Variants in NRXN1 observed in about 807,000 individuals in gnomAD.
NRXN1 encodes the protein neurexin-1.
A neutral mutation model predicts 150.9 loss-of-function variants in NRXN1; 39 were observed. That is an observed-to-expected ratio of 0.26 (90% CI 0.20 to 0.34). The LOEUF is 0.34. Ranked by LOEUF, NRXN1 falls within the 10% of genes least tolerant of loss-of-function variation. The probability of loss-of-function intolerance (pLI) is 1.00; values close to 1 mark genes in which losing one functional copy is unlikely to be tolerated. For missense variants in NRXN1, 1,815 were observed against 1,949.9 expected (o/e 0.93, Z 1.30); for synonymous variants, 924 against 757.0 (o/e 1.22, Z -3.62).
intron 21 of NRXN1, among the ~76,000 whole-genome samples, chr2:49,956,462 A>T (rs1286639258): frequency 6.6e-6 from 1 of 152,152 alleles, no homozygotes; most frequent in African/African-American, 2.4e-5. Flanking sequence ...ACAACTAATA[A>T]ATGGTGCCAG....
intron 21 of NRXN1, among the ~76,000 whole-genome samples, chr2:49,966,097 T>C (rs1483844940): frequency 2.0e-5 from 3 of 152,178 alleles, no homozygotes; most frequent in Non-Finnish European, 2.9e-5. Context: ...TTGGCATCCA[T>C]TGTATAAAAG....
chr2:50,059,037 G>A (rs1340663354), intron 19 of NRXN1, among the ~76,000 whole-genome samples: 1 of 152,156 alleles, frequency 6.6e-6, no homozygotes. Flanking sequence ...TGAAAATGTG[G>A]AATTGACTTT....
intron 5 of NRXN1, among the ~76,000 whole-genome samples, chr2:50,901,494 G>T (rs186726843): frequency 6.6e-6 from 1 of 152,030 alleles, no homozygotes; most frequent in African/African-American, 2.4e-5. Flanking sequence ...CCGAGATTGC[G>T]CCACTGCACT....
intron 16 of NRXN1, among the ~76,000 whole-genome samples, chr2:50,469,659 G>C (rs1033587470): frequency 6.6e-6 from 1 of 151,018 alleles, no homozygotes; most frequent in Non-Finnish European, 1.5e-5. Context: ...ATTATTCCTA[G>C]AAACTATACA....
At chr2:50,113,941 A>T (rs1186396794) in intron 18 of NRXN1, among the ~76,000 whole-genome samples, 2 of 152,176 alleles carry the variant, frequency 1.3e-5, no homozygotes, top group Admixed American at 6.5e-5. Context: ...GATGCTATAG[A>T]AGATACAAAA....
intron 8 of NRXN1, among the ~76,000 whole-genome samples, chr2:50,616,835 T>C (rs1679138500): frequency 6.6e-6 from 1 of 152,154 alleles, no homozygotes; most frequent in Admixed American, 6.5e-5. Context: ...AAAATAAAAA[T>C]GCCATCAGCC....
At chr2:50,817,008 G>A (rs1051201757) in intron 5 of NRXN1, among the ~76,000 whole-genome samples, 2 of 151,856 alleles carry the variant, frequency 1.3e-5, no homozygotes, top group South Asian at 2.1e-4. Flanking sequence ...CAGGGCTCTC[G>A]GAGATCACAA....
intron 21 of NRXN1, among the ~76,000 whole-genome samples, chr2:49,944,324 G>A (rs1672516034): frequency 6.6e-6 from 1 of 152,156 alleles, no homozygotes; most frequent in African/African-American, 2.4e-5. Flanking sequence ...AAAAGGCAAG[G>A]AAATACAATC....
chr2:50,943,438 G>C (rs909936132), intron 2 of NRXN1, among the ~76,000 whole-genome samples: 8 of 152,154 alleles, frequency 5.3e-5, no homozygotes, highest in African/African-American at 1.7e-4. Flanking sequence ...CTGCTAATAA[G>C]TGTCACTGGC....
At chr2:50,534,657 T>A (rs1376529426) in intron 10 of NRXN1, among the ~76,000 whole-genome samples, 1 of 152,166 alleles carries the variant, frequency 6.6e-6, no homozygotes, top group Non-Finnish European at 1.5e-5. Flanking sequence ...AGCACCCGAA[T>A]AAAAGTGTAA....
At chr2:50,502,555 C>A (rs958966441) in intron 13 of NRXN1, among the ~76,000 whole-genome samples, 5 of 151,858 alleles carry the variant, frequency 3.3e-5, no homozygotes, top group African/African-American at 1.2e-4. Context: ...AGAAGTGGTA[C>A]GGGAAAAGCA....
chr2:50,891,263 T>G (rs1490946759), intron 5 of NRXN1, among the ~76,000 whole-genome samples: 1 of 152,032 alleles, frequency 6.6e-6, no homozygotes, highest in Non-Finnish European at 1.5e-5. Context: ...AAATTGCTGC[T>G]GCAGATGCAG....
chr2:49,974,132 G>A, intron 21 of NRXN1: 1 of 714,988 alleles, frequency 1.4e-6, no homozygotes, highest in Middle Eastern at 2.3e-4. Context: ...AGATCAAGAT[G>A]ATAAATTGCC....
chr2:49,947,135 G>A (rs538048631), intron 21 of NRXN1, among the ~76,000 whole-genome samples: 69 of 151,796 alleles, frequency 4.5e-4, no homozygotes, highest in African/African-American at 1.5e-3. Context: ...TTTTCCCCCC[G>A]GACCAACATC....
rs375136386 is a variant in NRXN1 at position 50,516,604 on chromosome 2, C to A, written c.2375-9987G>T. ...TCATGAACTGGGCTTGGTGATACAC[C>A]AATAACCCTCAGAACCAGGAAGCAA... On this transcript the variant is annotated intron_variant, in intron 12 of 22. Coordinates refer to ENST00000401669, the MANE Select transcript of NRXN1 (RefSeq NM_001330078.2). 7.9e-5 allele frequency among the ~76,000 whole-genome samples: 12 copies of A among 152,186 alleles called. No homozygotes were observed. The East Asian group carries it at 1.2e-3, about 15-fold the overall frequency.
intron 5 of NRXN1, among the ~76,000 whole-genome samples, chr2:50,698,414 T>C (rs1036987665): frequency 7.2e-5 from 11 of 152,204 alleles, no homozygotes; most frequent in Admixed American, 6.5e-4. Context: ...ATCAAAGAGA[T>C]TGTCAATAAT....
intron 17 of NRXN1, among the ~76,000 whole-genome samples, chr2:50,368,991 CA>C (rs1361294722): frequency 6.6e-6 from 1 of 151,956 alleles, no homozygotes; most frequent in African/African-American, 2.4e-5. Flanking sequence ...GCCAAGAAAA[CA>C]GAGTAAATTC....
At chr2:50,490,620 G>A (rs544160733) in intron 15 of NRXN1, among the ~76,000 whole-genome samples, 55 of 152,190 alleles carry the variant, frequency 3.6e-4, no homozygotes, top group Admixed American at 6.5e-4. Flanking sequence ...TGTAAGCCAC[G>A]AGACAGAAGA....
chr2:50,127,394 C>T (rs751302418), intron 18 of NRXN1, among the ~76,000 whole-genome samples: 2 of 151,990 alleles, frequency 1.3e-5, no homozygotes, highest in Non-Finnish European at 2.9e-5. Flanking sequence ...AAAAAGAATG[C>T]TTGAAAAAGT....
Sources: allele counts gnomAD v4.1 joint callset (sites outside exome capture counted in the v4.1 genomes callset), GRCh38; gene constraint gnomAD v4.1.1; transcripts MANE v1.5; gene names NCBI Gene and HGNC (gene_info 2026-07-23, HGNC 2026-07-21).